KIF3C: variants seen among roughly 807,000 people sequenced by gnomAD.
KIF3C encodes kinesin family member 3C.
KIF3C carries 12 observed loss-of-function variants against 67.7 expected under a neutral mutation model. The observed-to-expected ratio is 0.18, with a 90% CI of 0.11 to 0.29. KIF3C has a LOEUF of 0.29. KIF3C is among the 10% of genes least tolerant of loss of function. The probability of loss-of-function intolerance (pLI) is 1.00; values close to 1 mark genes in which losing one functional copy is unlikely to be tolerated. For missense variants in KIF3C, 789 were observed against 1,059.6 expected (o/e 0.74, Z 3.55); for synonymous variants, 393 against 426.2 (o/e 0.92, Z 0.96).
chr2:25,957,787 G>A (rs564083232), intron 1 of KIF3C, among the ~76,000 whole-genome samples: 2 of 152,334 alleles, frequency 1.3e-5, no homozygotes, highest in Admixed American at 6.5e-5. Flanking sequence ...CGCTGAGCAA[G>A]TTGGGCCCGC....
chr2:25,934,532 C>T (rs541458028), intron 5 of KIF3C, among the ~76,000 whole-genome samples: 15 of 151,622 alleles, frequency 9.9e-5, no homozygotes, highest in South Asian at 8.4e-4. Context: ...TGAGCCGACT[C>T]GCACCCCACT....
chr2:25,982,190 G>A lies in KIF3C; in HGVS notation c.-273C>T, dbSNP rs1220949703. 9.0e-6 allele frequency: 4 copies of A among 444,738 alleles called. No homozygotes were observed. The highest frequency in any genetic ancestry group is 6.7e-5 in the East Asian group (2 of 29,814). The allele number at this position is 444,738 out of a possible 1,614,324, so 27.5% of individuals were successfully genotyped here. ...CGGGAGCAGCGCCTGCCGAGCAGCC[G>A]TGCCCGGAGCCCGCCCCATGCAGGA... On this transcript the variant is annotated 5_prime_UTR_variant, in exon 1 of 8. It adds an upstream start codon to the 5' untranslated region. Transcript: ENST00000264712.
intron 5 of KIF3C, 103 bp from the exon 6 acceptor site, chr2:25,930,166 G>C: frequency 1.1e-6 from 1 of 871,176 alleles, no homozygotes; most frequent in Non-Finnish European, 1.9e-6. Context: ...AGGCCCTGCA[G>C]ACTGCAAGTT....
chr2:25,980,107 A>G lies in KIF3C; in HGVS notation c.1545+266T>C, dbSNP rs1486613913. 6.6e-6 allele frequency among the ~76,000 whole-genome samples: 1 copy of G among 152,200 alleles called. No homozygotes were observed. Among genetic ancestry groups the G allele is most frequent in the East Asian group, 1.9e-4 (1 of 5,194 alleles). ...GAGGCCACCAGCAGGAAATGCCCAC[A>G]GCAGGTCAGACCACCCCAAGCTCAC... On this transcript the variant is annotated intron_variant, in intron 1 of 7. Coordinates refer to ENST00000264712, the MANE Select transcript of KIF3C (RefSeq NM_002254.8). This position sits in a 1 kb window ranked among gnomAD's most constrained non-coding sequence, Gnocchi z 7.6.
chr2:25,930,659 T>C (rs2149220819), intron 5 of KIF3C, among the ~76,000 whole-genome samples: 1 of 152,328 alleles, frequency 6.6e-6, no homozygotes, highest in South Asian at 2.1e-4. Context: ...TGTCTCAGCC[T>C]CCCGAGTAGC....
intron 1 of KIF3C, among the ~76,000 whole-genome samples, chr2:25,960,919 G>A (rs1663927928): frequency 6.6e-6 from 1 of 152,202 alleles, no homozygotes; most frequent in South Asian, 2.1e-4. Context: ...TTGGGCAACA[G>A]TGAGACCCTG....
intron 1 of KIF3C, among the ~76,000 whole-genome samples, chr2:25,971,871 C>CTTTTTTTTTTTTTTTT (rs70950146): frequency 1.9e-5 from 1 of 53,802 alleles, no homozygotes; most frequent in African/African-American, 7.3e-5. Context: ...CCATGCCTAG[C>CTTTTTTTTTTTTTTTT]TTTTTTTTTT....
At chr2:25,970,965 GAAAAAAAAAAAAA>G (rs970182694) in intron 1 of KIF3C, among the ~76,000 whole-genome samples, 1 of 49,328 alleles carries the variant, frequency 2.0e-5, no homozygotes, top group African/African-American at 8.4e-5. Flanking sequence ...CTCTATGAAG[GAAAAAAAAAAAAA>G]AAAAAAAAAA....
intron 1 of KIF3C, among the ~76,000 whole-genome samples, chr2:25,977,424 G>A (rs531554450): frequency 6.6e-6 from 1 of 152,174 alleles, no homozygotes; most frequent in South Asian, 2.1e-4. Flanking sequence ...AACTCAGAAA[G>A]GGGGGACAGG....
intron 1 of KIF3C, among the ~76,000 whole-genome samples, chr2:25,965,103 C>T (rs1664106690): frequency 6.6e-6 from 1 of 152,194 alleles, no homozygotes; most frequent in Non-Finnish European, 1.5e-5. Context: ...GCCAGCCCTG[C>T]CGGGACCCAG....
rs1322868220 is a variant in KIF3C at position 25,948,589 on chromosome 2, GGAGAAAGAGAAAGAAAGAAA to G, written c.2006+3180_2006+3199del. On this transcript the variant is annotated intron_variant, in intron 5 of 7. Coordinates refer to ENST00000264712, the MANE Select transcript of KIF3C (RefSeq NM_002254.8). ...GAAGTAAGGAAGAAAATAAAGAAAG[GGAGAAAGAGAAAGAAAGAAA>G]GAGAAAGAGAAAGAGAGAAAGAGAG... is the stretch of plus-strand genomic sequence containing the variant. Among the ~76,000 whole-genome samples the G allele has an allele frequency of 6.0e-4, 86 of 144,482 alleles. 1 individual carries two copies. Among genetic ancestry groups the G allele is most frequent in the Non-Finnish European group, 1.3e-3 (83 of 66,200 alleles). 94.8% of individuals were successfully genotyped at this position (144,482 alleles called of 152,430 possible). A position where few individuals can be genotyped will look rare whatever the true frequency, so the allele number is the denominator to read the frequency against.
At chr2:25,929,868 G>A (rs1250487603) in intron 6 of KIF3C, 87 bp downstream of exon 6, 29 of 901,914 alleles carry the variant, frequency 3.2e-5, no homozygotes, top group East Asian at 2.2e-4. Flanking sequence ...CACCTGCCTC[G>A]GCCTCCCACA....
intron 1 of KIF3C, among the ~76,000 whole-genome samples, chr2:25,975,599 T>C (rs1664392331): frequency 6.6e-6 from 1 of 152,208 alleles, no homozygotes; most frequent in African/African-American, 2.4e-5. Context: ...AGTTTTACTA[T>C]ACCAACCATG....
In KIF3C at chr2:25,947,627, T is replaced by C. The variant is rs147172281; in HGVS notation, c.2006+4162A>G. 1.7e-3 allele frequency among the ~76,000 whole-genome samples: 263 copies of C among 152,148 alleles called. 2 individuals carry two copies. The highest frequency in any genetic ancestry group is 6.1e-3 in the African/African-American group (253 of 41,506). On this transcript the variant is annotated intron_variant, in intron 5 of 7. Coordinates refer to ENST00000264712, the MANE Select transcript of KIF3C (RefSeq NM_002254.8). ...GTATTACTGTAAAAATTAATTAAAG[T>C]ATGCTGTTTTAAGGTAGCTATTTTA...
At position 25,954,247 on chromosome 2, in the gene KIF3C, A is replaced by G; in HGVS notation, c.1889+20T>C. The G allele has an allele frequency of 6.3e-7, 1 of 1,587,802 alleles. No individual in the cohort carries two copies. Among genetic ancestry groups the G allele is most frequent in the Non-Finnish European group, 8.6e-7 (1 of 1,156,070 alleles). On this transcript the variant is annotated intron_variant, in intron 4 of 7. Coordinates refer to ENST00000264712, the MANE Select transcript of KIF3C (RefSeq NM_002254.8). ...TGGCTGGCTGTGGGGACCCGGGATG[A>G]AAAGAGCTGCGGGCCCTACTTGAGC...
At chr2:25,970,455 A>C (rs1269626556) in intron 1 of KIF3C, among the ~76,000 whole-genome samples, 2 of 151,128 alleles carry the variant, frequency 1.3e-5, no homozygotes, top group African/African-American at 2.4e-5. Context: ...ATCAGCTGAG[A>C]TCAGGAGTTC....
rs1173947940 is a variant in KIF3C at position 25,962,960 on chromosome 2, TATATATAATATATA to T, written c.1546-6530_1546-6517del. On this transcript the variant is annotated intron_variant, in intron 1 of 7. Coordinates refer to ENST00000264712, the MANE Select transcript of KIF3C (RefSeq NM_002254.8). ...ATAATATATAATATATAATATATAA[TATATATAATATATA>T]ATATATAATATATAATATATATAAT... Among the ~76,000 whole-genome samples, 42 of 31,982 alleles carry T rather than the reference TATATATAATATATA, an allele frequency of 1.3e-3. 4 individuals carry two copies. Among genetic ancestry groups the T allele is most frequent in the African/African-American group, 5.7e-3 (24 of 4,200 alleles). 21.0% of individuals were successfully genotyped at this position (31,982 alleles called of 152,430 possible).
chr2:25,953,589 T>TG (rs1559552799), intron 4 of KIF3C, among the ~76,000 whole-genome samples: 1 of 151,856 alleles, frequency 6.6e-6, no homozygotes, highest in Non-Finnish European at 1.5e-5. Context: ...CTCGATCTCC[T>TG]GACCTCGTGA....
In KIF3C at chr2:25,961,794, G is replaced by C. The variant is rs190444391; in HGVS notation, c.1546-5350C>G. Among the ~76,000 whole-genome samples the C allele has an allele frequency of 3.9e-5, 6 of 152,220 alleles. No homozygotes were observed. In the East Asian group the frequency reaches 1.2e-3, roughly 29 times the overall value. ...AAAGCAGAGAGAAGATCAAGAGAAG[G>C]GAGGCTTAGGCCGGGCGCAGTGGCT... On this transcript the variant is annotated intron_variant, in intron 1 of 7. Coordinates refer to ENST00000264712, the MANE Select transcript of KIF3C (RefSeq NM_002254.8).
Sources: gnomAD v4.1 joint callset for allele counts (sites outside exome capture counted in the v4.1 genomes callset) on GRCh38, gnomAD v4.1.1 for gene constraint, Gnocchi (gnomAD v3.1) non-coding constraint, MANE v1.5 for transcripts, NCBI Gene and HGNC (gene_info 2026-07-23, HGNC 2026-07-21) for gene names.